Variants in PCBP2 observed in about 807,000 individuals in gnomAD.
PCBP2 encodes the protein poly(rC) binding protein 2, also known as poly(rC)-binding protein 2.
In PCBP2, 4 loss-of-function variants were observed where a neutral mutation model predicts 50.1. The observed-to-expected ratio is 0.08, with a 90% CI of 0.04 to 0.18. PCBP2 has a LOEUF of 0.18. Among genes scored for constraint, PCBP2 ranks in the 10% least tolerant of loss-of-function variants. PCBP2 has a pLI of 1.00. For synonymous variants in PCBP2, 179 were observed against 168.0 expected (o/e 1.07, Z -0.51); for missense variants, 161 against 474.3 (o/e 0.34, Z 6.14).
intron 13 of PCBP2, among the ~76,000 whole-genome samples, chr12:53,471,070 C>A (rs1273116597): frequency 6.6e-6 from 1 of 151,972 alleles, no homozygotes; most frequent in Non-Finnish European, 1.5e-5. Flanking sequence ...TGTCACTCAC[C>A]ATGGGTGGTC....
chr12:53,472,008 G>GT (rs1037904347), intron 14 of PCBP2, among the ~76,000 whole-genome samples: 7 of 149,584 alleles, frequency 4.7e-5, no homozygotes, highest in Admixed American at 2.7e-4. Context: ...GGTTGGTGGG[G>GT]GGGGGAGCAC....
chr12:53,470,595 A>T (rs1393783367), intron 13 of PCBP2, among the ~76,000 whole-genome samples: 3 of 151,022 alleles, frequency 2.0e-5, no homozygotes, highest in Non-Finnish European at 2.9e-5. Context: ...TTTTTTGTAA[A>T]GACAAGAGTT....
At position 53,464,716 on chromosome 12, in the gene PCBP2, C is replaced by T. The variant is rs565119014; in HGVS notation, c.580-44C>T. The T allele has an allele frequency of 1.7e-5, 27 of 1,596,798 alleles. No individual in the cohort carries two copies. The East Asian group carries it at 3.9e-4, about 23-fold the overall frequency. On this transcript the variant is annotated intron_variant, in intron 8 of 14. Transcript: ENST00000546463. ...GAATTTCATGCTGGTGACAAGGTGC[C>T]GGATTGACAGCCCTGGAGACTGAAA...
intron 14 of PCBP2, among the ~76,000 whole-genome samples, chr12:53,472,232 G>C (rs1037770901): frequency 2.0e-5 from 3 of 152,202 alleles, no homozygotes; most frequent in Non-Finnish European, 4.4e-5. Flanking sequence ...CAGCAAGGCA[G>C]TTTCTGGGAG....
In PCBP2 at chr12:53,479,447, A is replaced by G. The variant is rs1347179194; in HGVS notation, c.*5A>G. ...GGTGGCATGGGGAGCAGCTAGAACAATGCAGATTCATCCATAATCCCTTTC... is the reference window on the plus strand; with the variant it reads ...GGTGGCATGGGGAGCAGCTAGAACAGTGCAGATTCATCCATAATCCCTTTC... On this transcript the variant is annotated 3_prime_UTR_variant, in exon 15 of 15. Coordinates refer to ENST00000546463, the MANE Select transcript of PCBP2 (RefSeq NM_031989.5). 1.2e-6 allele frequency: 2 copies of G among 1,613,182 alleles called. No homozygotes were observed. Among genetic ancestry groups the G allele is most frequent in the Non-Finnish European group, 1.7e-6 (2 of 1,179,356 alleles).
intron 4 of PCBP2, 38 bp downstream of exon 4, chr12:53,455,531 G>A (rs1479195835): frequency 6.2e-7 from 1 of 1,600,120 alleles, no homozygotes; most frequent in Admixed American, 1.7e-5. Flanking sequence ...ACTTTGGGAA[G>A]TAAAAAACCT....
rs1943019829 is a variant in PCBP2, at chr12:53,481,115, ATATATATATG to A, written c.*1683_*1692del. On this transcript the variant is annotated 3_prime_UTR_variant, in exon 15 of 15. Transcript: ENST00000546463. ...TCTGTTGATTATGTGGCGCATATAT[ATATATATATG>A]TATATATATATAATTTATATAAATA... 1.6e-6 allele frequency: 1 copy of A among 621,014 alleles called. No homozygotes were observed. The highest frequency in any genetic ancestry group is 2.0e-5 in the African/African-American group (1 of 50,248). 38.5% of individuals were successfully genotyped at this position (621,014 alleles called of 1,614,324 possible). A position where few individuals can be genotyped will look rare whatever the true frequency, so the allele number is the denominator to read the frequency against.
intron 14 of PCBP2, among the ~76,000 whole-genome samples, chr12:53,477,027 A>C (rs1454493927): frequency 6.6e-6 from 1 of 151,996 alleles, no homozygotes; most frequent in Non-Finnish European, 1.5e-5. Context: ...CTCAGTTTTA[A>C]ATTTTTTTAA....
In PCBP2 at chr12:53,459,422, C is replaced by T. The variant is rs755297077; in HGVS notation, c.375+19C>T. 1 of 1,600,580 alleles carries T rather than the reference C, an allele frequency of 6.2e-7. No individual in the cohort carries two copies. Among genetic ancestry groups the T allele is most frequent in the Admixed American group, 1.7e-5 (1 of 58,454 alleles). ...ACGAGAGGTTAGTGACTTTTGTCGTCCTTTTAGAAATGTTAACTATTTGTT... is the reference window on the plus strand; with the variant it reads ...ACGAGAGGTTAGTGACTTTTGTCGTTCTTTTAGAAATGTTAACTATTTGTT... On this transcript the variant is annotated intron_variant, in intron 6 of 14. Coordinates refer to ENST00000546463, the MANE Select transcript of PCBP2 (RefSeq NM_031989.5).
chr12:53,458,646 T>A (rs1941224656), intron 5 of PCBP2, among the ~76,000 whole-genome samples: 1 of 151,356 alleles, frequency 6.6e-6, no homozygotes, highest in African/African-American at 2.4e-5. Flanking sequence ...TGACTTAATT[T>A]TTTTTTTTTT....
chr12:53,470,401 A>AAAAAG (rs1555207954), intron 13 of PCBP2, among the ~76,000 whole-genome samples: 6 of 104,928 alleles, frequency 5.7e-5, no homozygotes, highest in East Asian at 2.5e-4. Context: ...AAAAAAAAAA[A>AAAAAG]AGTGTAGTGG....
intron 1 of PCBP2, 39 bp downstream of exon 1, chr12:53,452,415 TA>T (rs1315418707): frequency 1.3e-5 from 2 of 148,920 alleles, no homozygotes; most frequent in Non-Finnish European, 3.0e-5. Context: ...CGGCTATGGC[TA>T]CAATTTCCAC....
chr12:53,457,959 C>G (rs1941157910), intron 5 of PCBP2, among the ~76,000 whole-genome samples: 1 of 152,128 alleles, frequency 6.6e-6, no homozygotes, highest in South Asian at 2.1e-4. Flanking sequence ...ACGGAGTTTC[C>G]TCCTTGTCGC....
chr12:53,471,196 A>G (rs998629385), intron 13 of PCBP2, among the ~76,000 whole-genome samples: 1 of 152,066 alleles, frequency 6.6e-6, no homozygotes, highest in Admixed American at 6.5e-5. Context: ...CAGGGAGCAC[A>G]GAGATACAGA....
At chr12:53,457,069 T>C (rs764061626) in intron 5 of PCBP2, among the ~76,000 whole-genome samples, 2 of 152,204 alleles carry the variant, frequency 1.3e-5, no homozygotes, top group Admixed American at 1.3e-4. Flanking sequence ...TTTTTTTCTT[T>C]TGAGGCAGGG....
intron 8 of PCBP2, 38 bp downstream of exon 8, chr12:53,462,605 G>T (rs760445236): frequency 2.0e-5 from 31 of 1,532,262 alleles, no homozygotes; most frequent in African/African-American, 4.1e-5. Flanking sequence ...AATGAACAGA[G>T]ATTATATTTG....
In PCBP2 at chr12:53,481,056, C is replaced by T. The variant is rs1360583781; in HGVS notation, c.*1614C>T. The T allele has an allele frequency of 2.0e-5, 6 of 300,776 alleles. No homozygotes were observed. Among genetic ancestry groups the T allele is most frequent in the South Asian group, 1.4e-4 (1 of 7,000 alleles). The allele number at this position is 300,776 out of a possible 1,614,324, so 18.6% of individuals were successfully genotyped here. On this transcript the variant is annotated 3_prime_UTR_variant, in exon 15 of 15. Transcript: ENST00000546463. ...AATTGGTCAGGGGATCAGTCTCCCT[C>T]GAGCCTGACTTACGGCTGGGACAGC...
chr12:53,461,613 CTA>C (rs1305671012), intron 7 of PCBP2, among the ~76,000 whole-genome samples: 1 of 152,118 alleles, frequency 6.6e-6, no homozygotes, highest in African/African-American at 2.4e-5. Flanking sequence ...TGATTATACA[CTA>C]TTATTCTATT....
chr12:53,458,004 C>G (rs1941161747), intron 5 of PCBP2, among the ~76,000 whole-genome samples: 1 of 152,182 alleles, frequency 6.6e-6, no homozygotes, highest in African/African-American at 2.4e-5. Context: ...TCCCGGCTCA[C>G]CGTAACCTCT....
Sources: gnomAD v4.1 joint callset for allele counts (sites outside exome capture counted in the v4.1 genomes callset) on GRCh38, gnomAD v4.1.1 for gene constraint, MANE v1.5 for transcripts, NCBI Gene and HGNC (gene_info 2026-07-23, HGNC 2026-07-21) for gene names.